Variants in IGFBP7 observed in about 807,000 individuals in gnomAD.
The protein encoded by IGFBP7 is insulin like growth factor binding protein 7, also known as insulin-like growth factor-binding protein 7.
Under a neutral mutation model 29.4 loss-of-function variants are expected in IGFBP7, and 31 were observed. The ratio of observed to expected loss-of-function variants is 1.05; its 90% CI spans 0.79 to 1.42. IGFBP7 has a LOEUF of 1.42. IGFBP7 is among the 40% of genes most tolerant of loss of function. IGFBP7 has a pLI of 0.00. For synonymous variants in IGFBP7, 172 were observed against 174.9 expected (o/e 0.98, Z 0.13); for missense variants, 393 against 395.5 (o/e 0.99, Z 0.05).
intron 1 of IGFBP7, among the ~76,000 whole-genome samples, chr4:57,095,107 G>A (rs965922324): frequency 1.3e-5 from 2 of 152,232 alleles, no homozygotes; most frequent in Non-Finnish European, 2.9e-5. Context: ...TTATGAGCAA[G>A]CAGGCTGTGA....
chr4:57,066,415 C>G (rs1000178237), intron 1 of IGFBP7, among the ~76,000 whole-genome samples: 1 of 152,158 alleles, frequency 6.6e-6, no homozygotes, highest in Non-Finnish European at 1.5e-5. Context: ...TCAGGGGACA[C>G]TCCAGGCCAG....
intron 1 of IGFBP7, among the ~76,000 whole-genome samples, chr4:57,085,168 T>C (rs139864566): frequency 7.9e-5 from 12 of 152,288 alleles, no homozygotes; most frequent in African/African-American, 2.9e-4. Context: ...TCTAGATCCA[T>C]ATTCTCAGGT....
At chr4:57,044,891 G>C (rs949013873) in intron 1 of IGFBP7, among the ~76,000 whole-genome samples, 1 of 152,038 alleles carries the variant, frequency 6.6e-6, no homozygotes, top group Admixed American at 6.5e-5. Context: ...TTTTATTTTT[G>C]TAGAGACAGA....
intron 1 of IGFBP7, among the ~76,000 whole-genome samples, chr4:57,107,038 C>T (rs1406604831): frequency 2.0e-5 from 3 of 152,132 alleles, no homozygotes; most frequent in Non-Finnish European, 4.4e-5. Context: ...AACAAGCAGA[C>T]CAAGATCTCT....
At position 57,100,071 on chromosome 4, in the gene IGFBP7, C is replaced by CTTTTTT. The variant is rs10669251; in HGVS notation, c.475+9800_475+9805dup. ...TTTCTTATTTCTTTTTCTTTTCTTT[C>CTTTTTT]TTTTTTTTTTTTTTTTTGAGACAGC... is the stretch of plus-strand genomic sequence containing the variant. On this transcript the variant is annotated intron_variant, in intron 1 of 4. Transcript: ENST00000295666. 4.8e-4 allele frequency among the ~76,000 whole-genome samples: 56 copies of CTTTTTT among 115,694 alleles called. 2 individuals are homozygous for CTTTTTT. The highest frequency in any genetic ancestry group is 5.7e-4 in the Non-Finnish European group (35 of 60,904). 75.9% of individuals were successfully genotyped at this position (115,694 alleles called of 152,430 possible).
chr4:57,105,753 A>G (rs13147020), intron 1 of IGFBP7, among the ~76,000 whole-genome samples: 70,238 of 152,022 alleles, frequency 0.46, 17,893 homozygotes, highest in Non-Finnish European at 0.59. Context: ...ACAGATACAC[A>G]GTACACGTGG....
At chr4:57,103,376 G>A (rs190786354) in intron 1 of IGFBP7, among the ~76,000 whole-genome samples, 102 of 152,240 alleles carry the variant, frequency 6.7e-4, no homozygotes, top group Middle Eastern at 3.4e-3. Context: ...GCTCTGTCAC[G>A]CAGCCAGCTG....
At chr4:57,088,672 C>A (rs535274072) in intron 1 of IGFBP7, among the ~76,000 whole-genome samples, 2 of 152,160 alleles carry the variant, frequency 1.3e-5, no homozygotes, top group Admixed American at 1.3e-4. Context: ...TTAATACTCT[C>A]ACCAACCCTT....
At chr4:57,036,387 T>G (rs1446553407) in intron 2 of IGFBP7, among the ~76,000 whole-genome samples, 4 of 152,180 alleles carry the variant, frequency 2.6e-5, no homozygotes, top group African/African-American at 9.7e-5. Flanking sequence ...GAGGTCACTA[T>G]TTTTGATTAA....
At chr4:57,053,847 A>G (rs1194969993) in intron 1 of IGFBP7, among the ~76,000 whole-genome samples, 1 of 152,096 alleles carries the variant, frequency 6.6e-6, no homozygotes, top group Non-Finnish European at 1.5e-5. Context: ...ACTATGACTC[A>G]CCTTAAATAC....
chr4:57,103,475 T>G (rs1202168976), intron 1 of IGFBP7, among the ~76,000 whole-genome samples: 1 of 152,060 alleles, frequency 6.6e-6, no homozygotes, highest in Non-Finnish European at 1.5e-5. Flanking sequence ...TAAAAAATTG[T>G]TTTAACTGAT....
At position 57,040,449 on chromosome 4, in the gene IGFBP7, CG is replaced by C. The variant is rs1370614630; in HGVS notation, c.585+374del. Among the ~76,000 whole-genome samples the C allele has an allele frequency of 2.6e-5, 4 of 152,238 alleles. No homozygotes were observed. The East Asian group carries it at 7.7e-4, about 29-fold the overall frequency. ...GTATTTTGGGACAGAAAGAGAGAAACGTACGCTTTTAACCCCTATGCTATAC... is the reference window on the plus strand; with the variant it reads ...GTATTTTGGGACAGAAAGAGAGAAACTACGCTTTTAACCCCTATGCTATAC... On this transcript the variant is annotated intron_variant, in intron 2 of 4. Coordinates refer to ENST00000295666, the MANE Select transcript of IGFBP7 (RefSeq NM_001553.3).
intron 1 of IGFBP7, among the ~76,000 whole-genome samples, chr4:57,104,703 T>C (rs887606815): frequency 1.3e-5 from 2 of 152,200 alleles, no homozygotes; most frequent in African/African-American, 2.4e-5. Flanking sequence ...ACAGTTTCTA[T>C]AGCTCTGGAC....
chr4:57,041,620 C>A (rs1197702547), intron 1 of IGFBP7, among the ~76,000 whole-genome samples: 1 of 152,094 alleles, frequency 6.6e-6, no homozygotes, highest in Non-Finnish European at 1.5e-5. Context: ...ACTGCAGCCT[C>A]AAACTCCTGG....
intron 1 of IGFBP7, among the ~76,000 whole-genome samples, chr4:57,100,947 T>C (rs1340931328): frequency 1.3e-5 from 2 of 152,354 alleles, no homozygotes; most frequent in African/African-American, 2.4e-5. Flanking sequence ...CCTTCCAGGG[T>C]TGTTATGAGT....
At chr4:57,045,948 A>G (rs533946637) in intron 1 of IGFBP7, among the ~76,000 whole-genome samples, 1 of 150,966 alleles carries the variant, frequency 6.6e-6, no homozygotes, top group South Asian at 2.1e-4. Flanking sequence ...CTGGTCTTGA[A>G]CCCCTGACCT....
chr4:57,072,557 G>A (rs994119049), intron 1 of IGFBP7: 9 of 241,742 alleles, frequency 3.7e-5, no homozygotes, highest in African/African-American at 1.8e-4. Context: ...GTCAGTTGCA[G>A]TTGTGTTCTT....
chr4:57,049,646 G>T (rs1056863851), intron 1 of IGFBP7, among the ~76,000 whole-genome samples: 2 of 152,126 alleles, frequency 1.3e-5, no homozygotes, highest in Non-Finnish European at 2.9e-5. Flanking sequence ...CTAAAATCCT[G>T]TTGGTTTCGG....
intron 1 of IGFBP7, among the ~76,000 whole-genome samples, chr4:57,105,941 C>G (rs1204060830): frequency 1.4e-5 from 2 of 138,680 alleles, no homozygotes; most frequent in Non-Finnish European, 3.0e-5. Context: ...GAGTCTTGCT[C>G]TTTTGCCCAG....
Sources: allele counts gnomAD v4.1 joint callset (sites outside exome capture counted in the v4.1 genomes callset), GRCh38; gene constraint gnomAD v4.1.1; transcripts MANE v1.5; gene names NCBI Gene and HGNC (gene_info 2026-07-23, HGNC 2026-07-21).